Variants in ADCY2 observed in about 807,000 individuals in gnomAD.
ADCY2 encodes adenylate cyclase type 2.
Under a neutral mutation model 125.2 loss-of-function variants are expected in ADCY2, and 31 were observed. That is an observed-to-expected ratio of 0.25 (90% CI 0.19 to 0.33). The LOEUF is 0.33. ADCY2 is among the 10% of genes least tolerant of loss of function. ADCY2 has a pLI of 1.00. For synonymous variants in ADCY2, 512 were observed against 548.4 expected (o/e 0.93, Z 0.93); for missense variants, 904 against 1,418.2 (o/e 0.64, Z 5.82).
intron 15 of ADCY2, among the ~76,000 whole-genome samples, chr5:7,750,485 G>A (rs1030892527): frequency 1.3e-5 from 2 of 151,982 alleles, no homozygotes; most frequent in African/African-American, 4.8e-5. Context: ...CAATGTATTT[G>A]TTTACTATTT....
chr5:7,408,967 A>T (rs1329972202), intron 1 of ADCY2, among the ~76,000 whole-genome samples: 2 of 152,244 alleles, frequency 1.3e-5, no homozygotes, highest in Non-Finnish European at 2.9e-5. Flanking sequence ...CAGCAAAGAC[A>T]TGGAATCAAC....
intron 19 of ADCY2, among the ~76,000 whole-genome samples, chr5:7,788,334 C>A (rs1355996645): frequency 6.6e-6 from 1 of 152,098 alleles, no homozygotes; most frequent in African/African-American, 2.4e-5. Flanking sequence ...CGCGCACAAC[C>A]AGGCCCGGCT....
chr5:7,788,573 T>A (rs1270969529), intron 19 of ADCY2, among the ~76,000 whole-genome samples: 1 of 152,014 alleles, frequency 6.6e-6, no homozygotes, highest in Admixed American at 6.6e-5. Context: ...AGAGGAGGAG[T>A]TTTCCTAATG....
chr5:7,775,681 G>A (rs1579421685), intron 18 of ADCY2, among the ~76,000 whole-genome samples: 2 of 152,230 alleles, frequency 1.3e-5, no homozygotes, highest in Admixed American at 6.5e-5. Context: ...ATAAGCCACC[G>A]CACCCAGACT....
At chr5:7,519,828 C>T (rs1034093402) in intron 2 of ADCY2, among the ~76,000 whole-genome samples, 1 of 152,178 alleles carries the variant, frequency 6.6e-6, no homozygotes, top group Admixed American at 6.5e-5. Context: ...TCCCCTTCCC[C>T]CAGCTCCTGG....
intron 4 of ADCY2, among the ~76,000 whole-genome samples, chr5:7,678,807 A>G (rs1740219291): frequency 6.6e-6 from 1 of 152,222 alleles, no homozygotes; most frequent in Non-Finnish European, 1.5e-5. Context: ...GTCCACTTAA[A>G]GAGTGACAGA....
At chr5:7,621,423 C>T (rs1737949526) in intron 3 of ADCY2, among the ~76,000 whole-genome samples, 1 of 152,232 alleles carries the variant, frequency 6.6e-6, no homozygotes, top group African/African-American at 2.4e-5. Context: ...TCCTCAAAAA[C>T]ACCTTCCCCA....
intron 22 of ADCY2, among the ~76,000 whole-genome samples, chr5:7,806,602 G>GGAGA (rs144376451): frequency 1.3e-5 from 2 of 151,552 alleles, no homozygotes; most frequent in African/African-American, 4.8e-5. Context: ...CCCATGGAGG[G>GGAGA]GAGAGAGAGA....
chr5:7,612,261 T>C (rs1388261751), intron 3 of ADCY2, among the ~76,000 whole-genome samples: 1 of 152,234 alleles, frequency 6.6e-6, no homozygotes, highest in South Asian at 2.1e-4. Flanking sequence ...AACCTCATGT[T>C]ATTTCCTCAA....
intron 4 of ADCY2, among the ~76,000 whole-genome samples, chr5:7,649,407 T>C (rs1322207499): frequency 2.0e-5 from 3 of 152,262 alleles, no homozygotes; most frequent in African/African-American, 4.8e-5. Flanking sequence ...CTGGAGGATC[T>C]AAACAGCTCT....
chr5:7,493,952 C>T (rs562880689), intron 2 of ADCY2, among the ~76,000 whole-genome samples: 14 of 152,124 alleles, frequency 9.2e-5, no homozygotes, highest in Non-Finnish European at 1.6e-4. Flanking sequence ...GCTCTCTCCC[C>T]GGTCCCGGTG....
At chr5:7,687,396 C>T (rs1740554169) in intron 4 of ADCY2, among the ~76,000 whole-genome samples, 2 of 152,064 alleles carry the variant, frequency 1.3e-5, no homozygotes, top group Admixed American at 1.3e-4. Flanking sequence ...GGAGGAGAGA[C>T]AATGCTTGGA....
intron 4 of ADCY2, among the ~76,000 whole-genome samples, chr5:7,680,100 G>A (rs1056794290): frequency 6.6e-6 from 1 of 152,154 alleles, no homozygotes; most frequent in Non-Finnish European, 1.5e-5. Context: ...TAGGTTAAAA[G>A]TCCAGAGGAG....
chr5:7,535,517 A>T (rs1325378691), intron 3 of ADCY2, among the ~76,000 whole-genome samples: 1 of 152,226 alleles, frequency 6.6e-6, no homozygotes, highest in Non-Finnish European at 1.5e-5. Flanking sequence ...ATCTCCAAGC[A>T]TGACAGCTAA....
intron 2 of ADCY2, among the ~76,000 whole-genome samples, chr5:7,486,047 C>T (rs934799210): frequency 1.3e-5 from 2 of 151,852 alleles, no homozygotes; most frequent in African/African-American, 4.8e-5. Flanking sequence ...AGTTTAAATC[C>T]AAGGTGACAA....
intron 16 of ADCY2, among the ~76,000 whole-genome samples, chr5:7,761,672 C>T (rs1348296955): frequency 6.6e-6 from 1 of 151,956 alleles, no homozygotes; most frequent in East Asian, 1.9e-4. Flanking sequence ...TCTAGTTTGA[C>T]CTTATAAAAC....
At chr5:7,765,916 T>C (rs1043458414) in intron 16 of ADCY2, among the ~76,000 whole-genome samples, 3 of 152,122 alleles carry the variant, frequency 2.0e-5, no homozygotes, top group Admixed American at 6.5e-5. Flanking sequence ...GTGCAGCTTC[T>C]GTAGGACAGA....
intron 4 of ADCY2, among the ~76,000 whole-genome samples, chr5:7,661,294 A>C (rs1044302666): frequency 2.6e-5 from 4 of 152,200 alleles, no homozygotes; most frequent in African/African-American, 9.7e-5. Context: ...ATTTTAAAAG[A>C]TCTACTTTTT....
intron 16 of ADCY2, among the ~76,000 whole-genome samples, chr5:7,759,002 G>A (rs1282397551): frequency 6.6e-6 from 1 of 152,336 alleles, no homozygotes; most frequent in South Asian, 2.1e-4. Context: ...AGGTGAGGGT[G>A]ATGCCACCTG....
Sources: allele counts gnomAD v4.1 joint callset (sites outside exome capture counted in the v4.1 genomes callset), GRCh38; gene constraint gnomAD v4.1.1; transcripts MANE v1.5; gene names NCBI Gene and HGNC (gene_info 2026-07-23, HGNC 2026-07-21).